The following DPP6 variants were observed in gnomAD, a reference collection of about 807,000 sequenced individuals.
The protein encoded by DPP6 is A-type potassium channel modulatory protein DPP6.
A neutral mutation model predicts 122.6 loss-of-function variants in DPP6; 69 were observed. The ratio of observed to expected loss-of-function variants is 0.56; its 90% confidence interval spans 0.46 to 0.69. The LOEUF is 0.69. Among genes scored for constraint, DPP6 ranks in the 30% least tolerant of loss-of-function variants. DPP6 has a pLI of 0.00. For synonymous variants in DPP6, 418 were observed against 433.1 expected (o/e 0.97, Z 0.43); for missense variants, 928 against 1,116.9 (o/e 0.83, Z 2.41).
At chr7:154,386,814 A>G (rs1814153639) in intron 1 of DPP6, among the ~76,000 whole-genome samples, 1 of 152,206 alleles carries the variant, frequency 6.6e-6, no homozygotes, top group African/African-American at 2.4e-5. Flanking sequence ...GAGCTCGTGC[A>G]ATACTGGTTG....
At chr7:154,322,992 A>G (rs1376611297) in intron 1 of DPP6, among the ~76,000 whole-genome samples, 1 of 152,194 alleles carries the variant, frequency 6.6e-6, no homozygotes, top group African/African-American at 2.4e-5. Flanking sequence ...TACTCCAGTC[A>G]GACCTTCTGT....
intron 3 of DPP6, among the ~76,000 whole-genome samples, chr7:154,509,160 G>A (rs1825873054): frequency 1.3e-5 from 2 of 152,098 alleles, no homozygotes; most frequent in Admixed American, 1.3e-4. Flanking sequence ...AAGCTTTTGT[G>A]TTTCAAAGGA....
intron 1 of DPP6, among the ~76,000 whole-genome samples, chr7:154,060,157 C>A (rs182786220): frequency 6.8e-6 from 1 of 147,482 alleles, no homozygotes; most frequent in Non-Finnish European, 1.5e-5. Flanking sequence ...GCTCTTTGCA[C>A]CCCCATCGCA....
At chr7:154,298,730 G>C (rs1314992799) in intron 1 of DPP6, among the ~76,000 whole-genome samples, 1 of 152,212 alleles carries the variant, frequency 6.6e-6, no homozygotes, top group Non-Finnish European at 1.5e-5. Flanking sequence ...ACCCTGCTGG[G>C]AGGGAAAGCT....
At chr7:154,428,203 T>C (rs893631547) in intron 1 of DPP6, among the ~76,000 whole-genome samples, 17 of 152,210 alleles carry the variant, frequency 1.1e-4, no homozygotes, top group Admixed American at 5.9e-4. Context: ...TTTCATAAAA[T>C]ATTTCAATAC....
chr7:154,275,708 C>T (rs1343331027), intron 1 of DPP6, among the ~76,000 whole-genome samples: 1 of 152,224 alleles, frequency 6.6e-6, no homozygotes, highest in African/African-American at 2.4e-5. Context: ...CTCCTCAGTG[C>T]TCCATACTCT....
chr7:153,930,145 C>G (rs1801106545), intron 1 of DPP6, among the ~76,000 whole-genome samples: 1 of 152,202 alleles, frequency 6.6e-6, no homozygotes, highest in African/African-American at 2.4e-5. Flanking sequence ...TTCTTGCTGG[C>G]TACAGTGTGA....
At chr7:153,792,432 A>G in the DPP6 span, among the ~76,000 whole-genome samples, 2 of 152,180 alleles carry the variant, frequency 1.3e-5, no homozygotes, top group Non-Finnish European at 2.9e-5. Context: ...AATTGGTAAT[A>G]TTTATTTCTT....
upstream of DPP6, among the ~76,000 whole-genome samples, chr7:154,050,481 T>G (rs1800245472): frequency 6.6e-6 from 1 of 152,076 alleles, no homozygotes; most frequent in South Asian, 2.1e-4. Flanking sequence ...TGCATCTATA[T>G]TTAGTGAAAT....
At chr7:153,851,243 T>A in the DPP6 span, among the ~76,000 whole-genome samples, 1 of 152,180 alleles carries the variant, frequency 6.6e-6, no homozygotes, top group African/African-American at 2.4e-5. Flanking sequence ...AATGTAAACA[T>A]AAACAATCAG....
At chr7:154,109,410 C>T (rs1302290596) in intron 1 of DPP6, among the ~76,000 whole-genome samples, 2 of 151,996 alleles carry the variant, frequency 1.3e-5, no homozygotes, top group Non-Finnish European at 2.9e-5. Flanking sequence ...CCTGTCTCAG[C>T]CTCCTGAGTA....
At chr7:154,379,894 G>T (rs1813444081) in intron 1 of DPP6, among the ~76,000 whole-genome samples, 1 of 152,122 alleles carries the variant, frequency 6.6e-6, no homozygotes, top group Non-Finnish European at 1.5e-5. Context: ...CACCCAAAAT[G>T]CCACTTATGT....
At chr7:154,533,477 T>G (rs1311519102) in intron 3 of DPP6, among the ~76,000 whole-genome samples, 1 of 152,220 alleles carries the variant, frequency 6.6e-6, no homozygotes, top group Non-Finnish European at 1.5e-5. Flanking sequence ...CATGCCCAGT[T>G]GGCTTCATTA....
chr7:154,246,458 A>G (rs1341411201), intron 1 of DPP6, among the ~76,000 whole-genome samples: 1 of 152,248 alleles, frequency 6.6e-6, no homozygotes, highest in African/African-American at 2.4e-5. Flanking sequence ...TCAAGATATC[A>G]GTTCTCCAGC....
chr7:153,950,324 C>T (rs1170069643), intron 1 of DPP6, among the ~76,000 whole-genome samples: 5 of 152,036 alleles, frequency 3.3e-5, no homozygotes, highest in Admixed American at 6.6e-5. Context: ...CCAAGAGAGC[C>T]GCTGAAACTT....
At chr7:154,536,290 T>G (rs536357844) in intron 3 of DPP6, among the ~76,000 whole-genome samples, 2 of 152,296 alleles carry the variant, frequency 1.3e-5, no homozygotes, top group South Asian at 4.1e-4. Context: ...GGTCTATTGA[T>G]GGAATAGATG....
the DPP6 span, among the ~76,000 whole-genome samples, chr7:153,782,550 T>A: frequency 6.6e-6 from 1 of 152,174 alleles, no homozygotes; most frequent in Non-Finnish European, 1.5e-5. Context: ...GTGTGGGCCC[T>A]TTCTGTGTAG....
At chr7:154,513,130 G>C (rs1172822385) in intron 3 of DPP6, among the ~76,000 whole-genome samples, 1 of 152,078 alleles carries the variant, frequency 6.6e-6, no homozygotes, top group South Asian at 2.1e-4. Context: ...AAGCCCTTAA[G>C]TCTACTCAAT....
intron 1 of DPP6, among the ~76,000 whole-genome samples, chr7:154,110,737 G>A (rs1806513218): frequency 1.3e-5 from 2 of 151,864 alleles, no homozygotes; most frequent in Admixed American, 1.3e-4. Flanking sequence ...TGGGTCGGGA[G>A]TTCTCCATCA....
Sources: gnomAD v4.1 joint callset for allele counts (sites outside exome capture counted in the v4.1 genomes callset) on GRCh38, gnomAD v4.1.1 for gene constraint, MANE v1.5 for transcripts, NCBI Gene and HGNC (gene_info 2026-07-23, HGNC 2026-07-21) for gene names.